Variants in NAB1 observed in about 807,000 individuals in gnomAD.
The protein encoded by NAB1 is NGFI-A binding protein 1, also known as NGFI-A-binding protein 1.
A neutral mutation model predicts 49.9 loss-of-function variants in NAB1; 25 were observed. That is an observed-to-expected ratio of 0.50 (90% CI 0.37 to 0.70). NAB1 has a LOEUF of 0.70. Among genes scored for constraint, NAB1 ranks in the 30% least tolerant of loss-of-function variants. The probability of loss-of-function intolerance (pLI) is 0.00; values close to 1 mark genes in which losing one functional copy is unlikely to be tolerated. For missense variants in NAB1, 489 were observed against 575.9 expected (o/e 0.85, Z 1.54); for synonymous variants, 198 against 215.6 (o/e 0.92, Z 0.71).
intron 8 of NAB1, 26 bp from the exon 9 acceptor site, chr2:190,687,175 G>T: frequency 7.1e-7 from 1 of 1,401,754 alleles, no homozygotes; most frequent in Non-Finnish European, 9.7e-7. Flanking sequence ...TTAATATTAT[G>T]CATATTTCTT....
rs932241134 is a variant in NAB1 at position 190,674,690 on chromosome 2, C to T, written c.1005+1538C>T. ...GATAAGCATCTTTGACTTATAAACA[C>T]TTTATCTGAAAGCAGTGGTTCTCAA... On this transcript the variant is annotated intron_variant, in intron 6 of 9. Coordinates refer to ENST00000337386, the MANE Select transcript of NAB1 (RefSeq NM_005966.4). This position sits in a 1 kb window ranked among gnomAD's most constrained non-coding sequence, Gnocchi z 5.7. Among the ~76,000 whole-genome samples, 1 of 152,074 alleles carries T rather than the reference C, an allele frequency of 6.6e-6. No individual in the cohort carries two copies. The highest frequency in any genetic ancestry group is 1.5e-5 in the Non-Finnish European group (1 of 68,030).
rs768848630 is a variant in NAB1 at position 190,670,510 on chromosome 2, A to G, written c.953+51A>G. The stretch of plus-strand genomic sequence containing the variant: ...TTTTTGCATTGCTTGAGAGAAGTAG[A>G]GTTCGAAACATCATCTATTGATAGA... On this transcript the variant is annotated intron_variant, in intron 5 of 9. Coordinates refer to ENST00000337386, the MANE Select transcript of NAB1 (RefSeq NM_005966.4). The surrounding 1 kb of genome is among the most constrained non-coding windows in gnomAD (Gnocchi z 5.3). 1 of 1,565,650 alleles carries G rather than the reference A, an allele frequency of 6.4e-7. No homozygotes were observed. Among genetic ancestry groups the G allele is most frequent in the South Asian group, 1.1e-5 (1 of 88,212 alleles).
intron 6 of NAB1, 156 bp downstream of exon 6, chr2:190,673,308 T>G (rs1322488137): frequency 1.4e-6 from 1 of 705,134 alleles, no homozygotes; most frequent in African/African-American, 1.8e-5. Context: ...TTTTGTTACC[T>G]TGAAATACAA....
rs762494622 is a variant in NAB1 at position 190,683,752 on chromosome 2, T to G, written c.1020T>G (p.Asp340Glu). Residue 340 changes from aspartate (D) to glutamate (E), a missense_variant, in exon 7 of 10, where the codon GAT (aspartate) becomes GAG (glutamate). Transcript: ENST00000337386. ...KRIKVEDGFP[D>E]FQDSVQTLFQ... is the part of the protein sequence containing the mutation. ...TTGACCCACAGGATGGGTTTCCAGA[T>G]TTCCAGGATTCTGTGCAAACACTCT... 6.2e-7 allele frequency: 1 copy of G among 1,613,098 alleles called. No homozygotes were observed.
rs1695203021 is a variant in NAB1 at position 190,678,978 on chromosome 2, A to G, written c.1006-4760A>G. On this transcript the variant is annotated intron_variant, in intron 6 of 9. Coordinates refer to ENST00000337386, the MANE Select transcript of NAB1 (RefSeq NM_005966.4). The surrounding 1 kb of genome is among the most constrained non-coding windows in gnomAD (Gnocchi z 4.9). ...AGGATGAGGAGGCATGGGGATGGAG[A>G]CCAATGGGATGAGAGTAATTAGGTC... 6.6e-6 allele frequency among the ~76,000 whole-genome samples: 1 copy of G among 152,190 alleles called. No individual in the cohort carries two copies. Among genetic ancestry groups the G allele is most frequent in the African/African-American group, 2.4e-5 (1 of 41,438 alleles).
Position 190,649,112 on chromosome 2 carries a change from A to T in NAB1, c.-582A>T, listed in dbSNP as rs1693502826. 1 of 103,038 alleles carries T rather than the reference A, an allele frequency of 9.7e-6. No individual in the cohort carries two copies. Among genetic ancestry groups the T allele is most frequent in the East Asian group, 3.1e-4 (1 of 3,194 alleles). The allele number at this position is 103,038 out of a possible 1,614,324, so 6.4% of individuals were successfully genotyped here. A position where few individuals can be genotyped will look rare whatever the true frequency, so the allele number is the denominator to read the frequency against. On this transcript the variant is annotated 5_prime_UTR_variant, in exon 1 of 10. Transcript: ENST00000337386. The surrounding 1 kb of genome is among the most constrained non-coding windows in gnomAD (Gnocchi z 6.1). Reference sequence around the variant, plus strand: ...CCGCCGCCCGCGCGCCGCAGCCTGGAGGAGCCGCCGCCGCCGCCGCGGCCA... The same window carrying T: ...CCGCCGCCCGCGCGCCGCAGCCTGGTGGAGCCGCCGCCGCCGCCGCGGCCA...
rs1272366368 is a variant in NAB1, at chr2:190,660,314, T to C, written c.819+319T>C. 2.6e-5 allele frequency among the ~76,000 whole-genome samples: 4 copies of C among 152,216 alleles called. 1 individual carries two copies. The highest frequency in any genetic ancestry group is 9.6e-5 in the African/African-American group (4 of 41,470). On this transcript the variant is annotated intron_variant, in intron 4 of 9. Transcript: ENST00000337386. ...GGCTGTTTGTTTTTTAATTAAAAAA[T>C]AAAACTAGGTTTTAAATATAACTTT...
intron 9 of NAB1, 90 bp downstream of exon 9, chr2:190,687,407 A>G: frequency 1.6e-6 from 1 of 632,578 alleles, no homozygotes; most frequent in Non-Finnish European, 2.6e-6. Flanking sequence ...AAAAAAAAAA[A>G]AAAAAAAAAA....
rs1294297108 is a variant in NAB1 at position 190,654,289 on chromosome 2, GTC to G, written c.-196-1683_-196-1682del. Reference sequence around the variant, plus strand: ...CACATTGTTTAAGTCTCTGCTTCTTGTCTCTCCTTGCTCTTAACTGACTCTCC... The same window carrying G: ...CACATTGTTTAAGTCTCTGCTTCTTGTCTCCTTGCTCTTAACTGACTCTCC... On this transcript the variant is annotated intron_variant, in intron 2 of 9. Coordinates refer to ENST00000337386, the MANE Select transcript of NAB1 (RefSeq NM_005966.4). The surrounding 1 kb of genome is among the most constrained non-coding windows in gnomAD (Gnocchi z 5.6). Among the ~76,000 whole-genome samples, 1 of 152,156 alleles carries G rather than the reference GTC, an allele frequency of 6.6e-6. No homozygotes were observed. Among genetic ancestry groups the G allele is most frequent in the Admixed American group, 6.5e-5 (1 of 15,280 alleles).
chr2:190,687,220 C>G lies in NAB1; in HGVS notation c.1278C>G (p.Leu426=). The change falls in exon 9 of 10, where the codon CTC becomes CTG. Residue 426 remains leucine, a synonymous_variant. Coordinates refer to ENST00000337386, the MANE Select transcript of NAB1 (RefSeq NM_005966.4). The part of the protein sequence containing the change: ...SDGQGERPLN[L]RMPNLQNRQP... ...CATTAGGAGAAAGACCTTTGAATCT[C>G]CGAATGCCTAATTTACAGAACAGAC... 6.3e-7 allele frequency: 1 copy of G among 1,585,492 alleles called. No individual in the cohort carries two copies. Among genetic ancestry groups the G allele is most frequent in the East Asian group, 2.3e-5 (1 of 43,374 alleles).
chr2:190,652,811 C>T lies in NAB1; in HGVS notation c.-197+2829C>T, dbSNP rs1693734547. ...AGGCCAACCCTACAATCTTAAGTAA[C>T]CCATAAAGTGTAGCTGAACTATATT... On this transcript the variant is annotated intron_variant, in intron 2 of 9. Transcript: ENST00000337386. This position sits in a 1 kb window ranked among gnomAD's most constrained non-coding sequence, Gnocchi z 4.2. Among the ~76,000 whole-genome samples, 1 of 152,144 alleles carries T rather than the reference C, an allele frequency of 6.6e-6. No homozygotes were observed. The highest frequency in any genetic ancestry group is 2.1e-4 in the South Asian group (1 of 4,822).
chr2:190,691,253 TTAAG>T lies in NAB1; in HGVS notation c.*923_*926del, dbSNP rs3832147. ...GACTGTTAACAAAGGCTGTAACAGA[TTAAG>T]TACTATTTTATATCCAGAAAGTCTT... On this transcript the variant is annotated 3_prime_UTR_variant, in exon 10 of 10. Coordinates refer to ENST00000337386, the MANE Select transcript of NAB1 (RefSeq NM_005966.4). The surrounding 1 kb of genome is among the most constrained non-coding windows in gnomAD (Gnocchi z 4.1). 0.23 allele frequency: 34,456 copies of T among 152,268 alleles called. 5,037 individuals are homozygous for T. The highest frequency in any genetic ancestry group is 0.34 in the South Asian group (1,647 of 4,814). The allele number at this position is 152,268 out of a possible 1,614,324, so 9.4% of individuals were successfully genotyped here.
rs575701378 is a variant in NAB1, at chr2:190,677,894, G to A, written c.1005+4742G>A. On this transcript the variant is annotated intron_variant, in intron 6 of 9. Coordinates refer to ENST00000337386, the MANE Select transcript of NAB1 (RefSeq NM_005966.4). This position sits in a 1 kb window ranked among gnomAD's most constrained non-coding sequence, Gnocchi z 5.6. ...CTTACCTGTGAAAAAAACACTATTGGGGTTATACCTTTCCTCCTAGTACCG... is the reference window on the plus strand; with the variant it reads ...CTTACCTGTGAAAAAAACACTATTGAGGTTATACCTTTCCTCCTAGTACCG... Among the ~76,000 whole-genome samples, 4 of 152,212 alleles carry A rather than the reference G, an allele frequency of 2.6e-5. No homozygotes were observed. The highest frequency in any genetic ancestry group is 3.9e-4 in the East Asian group (2 of 5,176).
rs904033245 is a variant in NAB1 at position 190,670,111 on chromosome 2, A to G, written c.820-215A>G. Reference sequence around the variant, plus strand: ...ATAAATAAATAAAATCAAGATGACTATTATGATTAATTTGGGCTCTGTGAG... The same window carrying G: ...ATAAATAAATAAAATCAAGATGACTGTTATGATTAATTTGGGCTCTGTGAG... On this transcript the variant is annotated intron_variant, in intron 4 of 9. Transcript: ENST00000337386. The surrounding 1 kb of genome is among the most constrained non-coding windows in gnomAD (Gnocchi z 5.3). Among the ~76,000 whole-genome samples, 4 of 152,192 alleles carry G rather than the reference A, an allele frequency of 2.6e-5. No homozygotes were observed. Among genetic ancestry groups the G allele is most frequent in the Non-Finnish European group, 5.9e-5 (4 of 68,036 alleles).
At position 190,690,589 on chromosome 2, in the gene NAB1, G is replaced by T; in HGVS notation, c.*256G>T. ...ATTCCTGTGTTAAGTCATTTTATAT[G>T]GAAAGGCTTACAAATCAATATTGTA... On this transcript the variant is annotated 3_prime_UTR_variant, in exon 10 of 10. Transcript: ENST00000337386. 2.9e-6 allele frequency: 1 copy of T among 344,136 alleles called. No individual in the cohort carries two copies. The highest frequency in any genetic ancestry group is 5.3e-6 in the Non-Finnish European group (1 of 187,680). The allele number at this position is 344,136 out of a possible 1,614,324, so 21.3% of individuals were successfully genotyped here.
rs1229548859 is a variant in NAB1, at chr2:190,682,320, A to G, written c.1006-1418A>G. ...TAATAGATAGGTTCTCCTATCCTCAATTTTCCTGTGAGGAAACTGAAGTTC... is the reference window on the plus strand; with the variant it reads ...TAATAGATAGGTTCTCCTATCCTCAGTTTTCCTGTGAGGAAACTGAAGTTC... On this transcript the variant is annotated intron_variant, in intron 6 of 9. Coordinates refer to ENST00000337386, the MANE Select transcript of NAB1 (RefSeq NM_005966.4). The surrounding 1 kb of genome is among the most constrained non-coding windows in gnomAD (Gnocchi z 4.1). 1.3e-5 allele frequency among the ~76,000 whole-genome samples: 2 copies of G among 152,128 alleles called. No individual in the cohort carries two copies. The highest frequency in any genetic ancestry group is 2.1e-4 in the South Asian group (1 of 4,824).
chr2:190,655,427 T>G (rs1426856011), intron 2 of NAB1, among the ~76,000 whole-genome samples: 1 of 152,018 alleles, frequency 6.6e-6, no homozygotes, highest in Non-Finnish European at 1.5e-5. Context: ...GGACACACAA[T>G]AGAAAAGAGA....
rs1469625734 is a variant in NAB1, at chr2:190,674,609, C to G, written c.1005+1457C>G. Among the ~76,000 whole-genome samples the G allele has an allele frequency of 6.6e-6, 1 of 152,154 alleles. No homozygotes were observed. The highest frequency in any genetic ancestry group is 1.5e-5 in the Non-Finnish European group (1 of 68,036). The stretch of plus-strand genomic sequence containing the variant: ...CTGTATACTTAGAGTTTGTAACAGC[C>G]TTGCACCTAATAGGCACTTAATAAA... On this transcript the variant is annotated intron_variant, in intron 6 of 9. Coordinates refer to ENST00000337386, the MANE Select transcript of NAB1 (RefSeq NM_005966.4). This position sits in a 1 kb window ranked among gnomAD's most constrained non-coding sequence, Gnocchi z 5.7.
In NAB1 at chr2:190,659,203, G is replaced by A; in HGVS notation, c.27G>A (p.Leu9=). 1.2e-6 allele frequency: 2 copies of A among 1,613,122 alleles called. No homozygotes were observed. The highest frequency in any genetic ancestry group is 1.7e-6 in the Non-Finnish European group (2 of 1,179,776). The change falls in exon 4 of 10, where the codon CTG becomes CTA. Residue 9 remains leucine, a synonymous_variant. Coordinates refer to ENST00000337386, the MANE Select transcript of NAB1 (RefSeq NM_005966.4). The surrounding 1 kb of genome is among the most constrained non-coding windows in gnomAD (Gnocchi z 6.2). ...TGGCTGCGGCCTTACCCAGGACCCT[G>A]GGGGAGTTGCAGCTGTATAGAATAT... MAAALPRT[L]GELQLYRILQ... is the part of the protein sequence containing the mutation.
Sources: gnomAD v4.1 joint callset for allele counts (sites outside exome capture counted in the v4.1 genomes callset) on GRCh38, gnomAD v4.1.1 for gene constraint, Gnocchi (gnomAD v3.1) non-coding constraint, MANE v1.5 for transcripts, NCBI Gene and HGNC (gene_info 2026-07-23, HGNC 2026-07-21) for gene names.